Variants in CNIH3 observed in about 807,000 individuals in gnomAD.
CNIH3 encodes protein cornichon homolog 3.
A neutral mutation model predicts 24.1 loss-of-function variants in CNIH3; 14 were observed. The observed-to-expected ratio is 0.58, with a 90% CI of 0.38 to 0.91. The LOEUF is 0.91. Ranked by LOEUF, CNIH3 falls within the 40% of genes least tolerant of loss-of-function variation. CNIH3 has a pLI of 0.00. For missense variants in CNIH3, 178 were observed against 196.8 expected, an observed-to-expected ratio of 0.90 and a Z score of 0.57; for synonymous variants, 68 against 73.8, an observed-to-expected ratio of 0.92 and a Z score of 0.40.
Position 224,740,154 on chromosome 1 carries a change from A to G in CNIH3, c.*798A>G, listed in dbSNP as rs1296011091. On this transcript the variant is annotated 3_prime_UTR_variant, in exon 6 of 6. Transcript: ENST00000272133. ...ACCCCAGACAGCTCAGAGCTCAGAAAATCCTGTGGAGTGGCTGCTCTGTAC... is the reference window on the plus strand; with the variant it reads ...ACCCCAGACAGCTCAGAGCTCAGAAGATCCTGTGGAGTGGCTGCTCTGTAC... 1 of 152,180 alleles carries G rather than the reference A, an allele frequency of 6.6e-6. No individual in the cohort carries two copies. Among genetic ancestry groups the G allele is most frequent in the Non-Finnish European group, 1.5e-5 (1 of 68,040 alleles). 9.4% of individuals were successfully genotyped at this position (152,180 alleles called of 1,614,324 possible).
chr1:224,476,265 C>T (rs900184795), intron 1 of CNIH3, among the ~76,000 whole-genome samples: 1 of 152,116 alleles, frequency 6.6e-6, no homozygotes, highest in Non-Finnish European at 1.5e-5. Flanking sequence ...TAAAGGACAT[C>T]AGAATTGAAG....
chr1:224,448,724 G>C (rs1405431155), intron 1 of CNIH3, among the ~76,000 whole-genome samples: 1 of 152,190 alleles, frequency 6.6e-6, no homozygotes, highest in Non-Finnish European at 1.5e-5. Flanking sequence ...ACCCACACCA[G>C]AGGGACTTCT....
chr1:224,591,846 A>G (rs542548216), downstream of CNIH3, among the ~76,000 whole-genome samples: 30 of 152,306 alleles, frequency 2.0e-4, 1 homozygote, highest in South Asian at 6.0e-3. Context: ...TCATTTTCTC[A>G]TTGGTAAAAT....
intron 1 of CNIH3, among the ~76,000 whole-genome samples, chr1:224,466,914 C>A (rs941180249): frequency 8.5e-5 from 13 of 152,150 alleles, no homozygotes; most frequent in African/African-American, 3.1e-4. Context: ...AGTACACTTG[C>A]TAATTATATT....
intron 2 of CNIH3, among the ~76,000 whole-genome samples, chr1:224,522,094 T>C (rs748620026): frequency 7.2e-5 from 11 of 152,152 alleles, no homozygotes; most frequent in Non-Finnish European, 1.5e-4. Context: ...CCATTGGAGA[T>C]TGGATCATTA....
At chr1:224,620,614 C>G (rs1683232999) in intron 1 of CNIH3, among the ~76,000 whole-genome samples, 1 of 152,028 alleles carries the variant, frequency 6.6e-6, no homozygotes, top group South Asian at 2.1e-4. Context: ...GATACAGGTT[C>G]CTTGTCCAAA....
rs558303302 is a variant in CNIH3 at position 224,475,450 on chromosome 1, T to C, written n.204-40291T>C. Among the ~76,000 whole-genome samples the C allele has an allele frequency of 4.1e-4, 62 of 152,070 alleles. 1 individual carries two copies. In the South Asian group the frequency reaches 0.013, roughly 31 times the overall value. On this transcript the variant is annotated intron_variant and non_coding_transcript_variant, in intron 1 of 5. Coordinates refer to the CNIH3 transcript ENST00000471578. ...AAATTCAAAGGATGATTAGTGGCTA[T>C]GAGCAATTATATGCTAATAAATTGG... is the stretch of plus-strand genomic sequence containing the variant.
At chr1:224,562,657 C>G (rs1006752558) in intron 3 of CNIH3, among the ~76,000 whole-genome samples, 1 of 152,140 alleles carries the variant, frequency 6.6e-6, no homozygotes, top group Non-Finnish European at 1.5e-5. Flanking sequence ...TGGTGCCCTT[C>G]CCATCCTAAT....
At chr1:224,461,529 A>G (rs1047401116) in intron 1 of CNIH3, among the ~76,000 whole-genome samples, 2 of 152,192 alleles carry the variant, frequency 1.3e-5, no homozygotes, top group South Asian at 2.1e-4. Context: ...TATTGAACCT[A>G]TGGACGTATG....
At chr1:224,451,980 G>A (rs1675417528) in intron 1 of CNIH3, among the ~76,000 whole-genome samples, 1 of 152,170 alleles carries the variant, frequency 6.6e-6, no homozygotes, top group African/African-American at 2.4e-5. Flanking sequence ...TACAGGTTAT[G>A]TGCTTTTCAA....
intron 1 of CNIH3, among the ~76,000 whole-genome samples, chr1:224,500,502 T>C (rs891429023): frequency 3.9e-5 from 6 of 151,972 alleles, no homozygotes; most frequent in African/African-American, 1.5e-4. Flanking sequence ...CGAAACTCTA[T>C]CTCTACCAAA....
At chr1:224,654,574 G>C (rs1031559700) in intron 1 of CNIH3, among the ~76,000 whole-genome samples, 9 of 152,166 alleles carry the variant, frequency 5.9e-5, no homozygotes, top group African/African-American at 2.2e-4. Flanking sequence ...GTTGATGCCT[G>C]TTTCTAAAAA....
downstream of CNIH3, among the ~76,000 whole-genome samples, chr1:224,592,814 T>G (rs1340613969): frequency 6.6e-6 from 1 of 152,198 alleles, no homozygotes; most frequent in Non-Finnish European, 1.5e-5. Context: ...ACGATTCCCC[T>G]GACAGACATC....
At chr1:224,597,803 G>C (rs1682049434) in intron 3 of CNIH3, among the ~76,000 whole-genome samples, 2 of 152,194 alleles carry the variant, frequency 1.3e-5, no homozygotes, top group South Asian at 4.1e-4. Flanking sequence ...CCAAGGAAGG[G>C]AGTCATAGGA....
At chr1:224,643,615 G>A (rs912342130) in intron 1 of CNIH3, among the ~76,000 whole-genome samples, 4 of 152,168 alleles carry the variant, frequency 2.6e-5, no homozygotes, top group Non-Finnish European at 5.9e-5. Flanking sequence ...CTAAAGATGG[G>A]ATCCTCGTCA....
chr1:224,709,970 G>A (rs1204713022), intron 3 of CNIH3, among the ~76,000 whole-genome samples: 2 of 152,116 alleles, frequency 1.3e-5, no homozygotes, highest in African/African-American at 4.8e-5. Context: ...GGCATAGTAA[G>A]AGATTAACTT....
intron 1 of CNIH3, among the ~76,000 whole-genome samples, chr1:224,644,417 A>T (rs982787378): frequency 6.6e-6 from 1 of 151,662 alleles, no homozygotes; most frequent in African/African-American, 2.4e-5. Context: ...ATGATTCCCC[A>T]TCCAAGGTGG....
At chr1:224,738,854 T>C (rs2125253294) in intron 5 of CNIH3, among the ~76,000 whole-genome samples, 1 of 152,272 alleles carries the variant, frequency 6.6e-6, no homozygotes, top group African/African-American at 2.4e-5. Flanking sequence ...AGGGCTTATG[T>C]TCCCACGCTG....
chr1:224,737,038 C>G (rs1365096682), intron 5 of CNIH3, among the ~76,000 whole-genome samples: 1 of 152,142 alleles, frequency 6.6e-6, no homozygotes, highest in Non-Finnish European at 1.5e-5. Flanking sequence ...CAGAATGAGA[C>G]CATTGTTTTC....
Sources: gnomAD v4.1 joint callset for allele counts (sites outside exome capture counted in the v4.1 genomes callset) on GRCh38, gnomAD v4.1.1 for gene constraint, MANE v1.5 for transcripts, NCBI Gene and HGNC (gene_info 2026-07-23, HGNC 2026-07-21) for gene names.